Variants in CSNK1E observed in about 807,000 individuals in gnomAD.
The protein encoded by CSNK1E is casein kinase 1 epsilon.
CSNK1E carries 17 observed loss-of-function variants against 46.1 expected under a neutral mutation model. That is an observed-to-expected ratio of 0.37 (90% CI 0.25 to 0.55). The LOEUF (loss-of-function observed/expected upper bound fraction) is 0.55, where lower values mean the gene tolerates loss of function less well. Ranked by LOEUF, CSNK1E falls within the 20% of genes least tolerant of loss-of-function variation. CSNK1E has a pLI of 0.82. For missense variants in CSNK1E, 386 were observed against 595.4 expected, an observed-to-expected ratio of 0.65 and a Z score of 3.66; for synonymous variants, 241 against 242.6, an observed-to-expected ratio of 0.99 and a Z score of 0.06.
intron 9 of CSNK1E, among the ~76,000 whole-genome samples, chr22:38,293,707 T>C (rs1241031443): frequency 6.6e-6 from 1 of 151,902 alleles, no homozygotes; most frequent in Non-Finnish European, 1.5e-5. Flanking sequence ...CATCCAAACA[T>C]AGCCCCAAAG....
At chr22:38,299,852 C>G (rs2092661575) in intron 6 of CSNK1E, 43 bp downstream of exon 6, 1 of 1,600,978 alleles carries the variant, frequency 6.2e-7, no homozygotes, top group Admixed American at 1.7e-5. Context: ...TAGACAGTGC[C>G]TCAGGGGCCC....
At chr22:38,304,597 C>T (rs1222561984) in intron 2 of CSNK1E, among the ~76,000 whole-genome samples, 3 of 152,096 alleles carry the variant, frequency 2.0e-5, no homozygotes, top group South Asian at 2.1e-4. Context: ...GGAACAGTGG[C>T]GCAGTCACCA....
intron 2 of CSNK1E, among the ~76,000 whole-genome samples, chr22:38,310,240 C>A (rs975914257): frequency 6.6e-6 from 1 of 152,204 alleles, no homozygotes; most frequent in Non-Finnish European, 1.5e-5. Flanking sequence ...ACAGAAGATG[C>A]CCCATGAGTC....
intron 1 of CSNK1E, 52 bp from the exon 2 acceptor site, chr22:38,314,221 G>T: frequency 6.8e-7 from 1 of 1,471,362 alleles, no homozygotes; most frequent in Non-Finnish European, 9.5e-7. Flanking sequence ...GCCGGGAAAG[G>T]GGTCCAGTCC....
chr22:38,297,786 A>G (rs1436187077), intron 7 of CSNK1E: 13 of 1,000,014 alleles, frequency 1.3e-5, no homozygotes, highest in Non-Finnish European at 1.6e-5. Context: ...CATGGCCTCC[A>G]CTGTGCTGCC....
At chr22:38,307,379 T>C (rs1264036541) in intron 2 of CSNK1E, among the ~76,000 whole-genome samples, 1 of 151,852 alleles carries the variant, frequency 6.6e-6, no homozygotes, top group Non-Finnish European at 1.5e-5. Flanking sequence ...TGAAACCCCA[T>C]CTCTACTAAA....
rs1398159050 is a variant in CSNK1E, at chr22:38,298,456, G to A, written c.885+330C>T. ...ATGTGCAGAACAGGAGCAGCAGGAC[G>A]GTGTAGGCAGCAATCAGGGCAGCAG... is the stretch of plus-strand genomic sequence containing the variant. On this transcript the variant is annotated intron_variant, in intron 7 of 10. Transcript: ENST00000396832. This position sits in a 1 kb window ranked among gnomAD's most constrained non-coding sequence, Gnocchi z 4.2. The A allele has an allele frequency of 3.1e-5, 12 of 381,598 alleles. No homozygotes were observed. Among genetic ancestry groups the A allele is most frequent in the East Asian group, 1.3e-4 (2 of 15,256 alleles). The allele number at this position is 381,598 out of a possible 1,614,324, so 23.6% of individuals were successfully genotyped here. A position where few individuals can be genotyped will look rare whatever the true frequency, so the allele number is the denominator to read the frequency against.
rs1311776240 is a variant in CSNK1E at position 38,298,490 on chromosome 22, G to A, written c.885+296C>T. On this transcript the variant is annotated intron_variant, in intron 7 of 10. Coordinates refer to ENST00000396832, the MANE Select transcript of CSNK1E (RefSeq NM_152221.3). The surrounding 1 kb of genome is among the most constrained non-coding windows in gnomAD (Gnocchi z 4.2). ...AGCAATCAGGGCAGCAGGGGGCGCC[G>A]CCAGCACCACCCATGCCCTGCTGCG... The A allele has an allele frequency of 2.4e-5, 10 of 417,664 alleles. No individual in the cohort carries two copies. The highest frequency in any genetic ancestry group is 1.6e-4 in the East Asian group (3 of 18,914). The allele number at this position is 417,664 out of a possible 1,614,324, so 25.9% of individuals were successfully genotyped here. A position where few individuals can be genotyped will look rare whatever the true frequency, so the allele number is the denominator to read the frequency against.
intron 2 of CSNK1E, 147 bp downstream of exon 2, chr22:38,313,935 G>T: frequency 1.4e-6 from 1 of 708,238 alleles, no homozygotes; most frequent in Non-Finnish European, 2.4e-6. Flanking sequence ...GCAACCTGCT[G>T]CTTCCTTCCC....
rs958073093 is a variant in CSNK1E, at chr22:38,298,202, C to T, written c.885+584G>A. The stretch of plus-strand genomic sequence containing the variant: ...GGGCTGAGCCTGGCTCGAGGAAGCC[C>T]CCTTTTCCAGAAGAGATGTGAAACA... On this transcript the variant is annotated intron_variant, in intron 7 of 10. Transcript: ENST00000396832. This position sits in a 1 kb window ranked among gnomAD's most constrained non-coding sequence, Gnocchi z 4.2. 5.0e-5 allele frequency: 65 copies of T among 1,303,680 alleles called. No homozygotes were observed. Among genetic ancestry groups the T allele is most frequent in the Non-Finnish European group, 6.4e-5 (63 of 988,816 alleles). 80.8% of individuals were successfully genotyped at this position (1,303,680 alleles called of 1,614,324 possible). A position where few individuals can be genotyped will look rare whatever the true frequency, so the allele number is the denominator to read the frequency against.
At chr22:38,310,133 C>T (rs1212927048) in intron 2 of CSNK1E, among the ~76,000 whole-genome samples, 1 of 152,190 alleles carries the variant, frequency 6.6e-6, no homozygotes, top group African/African-American at 2.4e-5. Context: ...CCAGGTGAGG[C>T]TTCCTGGCAG....
chr22:38,291,334 A>C lies in CSNK1E; in HGVS notation c.*637T>G, dbSNP rs1476064917. 4 of 78,348 alleles carry C rather than the reference A, an allele frequency of 5.1e-5. No homozygotes were observed. In the East Asian group the frequency reaches 1.9e-3, roughly 38 times the overall value. The allele number at this position is 78,348 out of a possible 1,614,324, so 4.9% of individuals were successfully genotyped here. On this transcript the variant is annotated 3_prime_UTR_variant, in exon 11 of 11. Coordinates refer to ENST00000396832, the MANE Select transcript of CSNK1E (RefSeq NM_152221.3). ...GCTGTCTTGGGAAACACAGGTCAAT[A>C]CATCCACACACACACACACACACAC...
Position 38,298,142 on chromosome 22 carries a change from C to A in CSNK1E, c.885+644G>T. 7.7e-7 allele frequency: 1 copy of A among 1,296,920 alleles called. No homozygotes were observed. The highest frequency in any genetic ancestry group is 1.3e-5 in the South Asian group (1 of 79,856). The allele number at this position is 1,296,920 out of a possible 1,614,324, so 80.3% of individuals were successfully genotyped here. On this transcript the variant is annotated intron_variant, in intron 7 of 10. Transcript: ENST00000396832. This position sits in a 1 kb window ranked among gnomAD's most constrained non-coding sequence, Gnocchi z 4.2. ...CCCAGCACAGGGACAGGGGCGGGGA[C>A]AGAAAGGTCCCTTCGCTGTCATGGG... is the stretch of plus-strand genomic sequence containing the variant.
intron 4 of CSNK1E, among the ~76,000 whole-genome samples, chr22:38,302,541 TCTCTACTAAAAATA>T (rs1196392437): frequency 6.6e-6 from 1 of 152,024 alleles, no homozygotes; most frequent in Non-Finnish European, 1.5e-5. Context: ...TAAAACTCTG[TCTCTACTAAAAATA>T]CAAAAATTAG....
In CSNK1E at chr22:38,300,615, A is replaced by G; in HGVS notation, c.565+109T>C. 9.2e-7 allele frequency: 1 copy of G among 1,082,622 alleles called. No homozygotes were observed. The highest frequency in any genetic ancestry group is 1.4e-6 in the Non-Finnish European group (1 of 740,520). 67.1% of individuals were successfully genotyped at this position (1,082,622 alleles called of 1,614,324 possible). On this transcript the variant is annotated intron_variant, in intron 5 of 10. Transcript: ENST00000396832. The surrounding 1 kb of genome is among the most constrained non-coding windows in gnomAD (Gnocchi z 4.4). ...CAGACGGGGTGGGGACTTTCTCACT[A>G]GAAAAGAGCCTGGGGGCCTCCATCA...
At chr22:38,315,080 C>T (rs906726282) in intron 1 of CSNK1E, among the ~76,000 whole-genome samples, 1 of 152,202 alleles carries the variant, frequency 6.6e-6, no homozygotes, top group Non-Finnish European at 1.5e-5. Flanking sequence ...ACTCCTTTCA[C>T]AGACAGGGTA....
At position 38,294,927 on chromosome 22, in the gene CSNK1E, G is replaced by C. The variant is rs535543084; in HGVS notation, c.886-393C>G. On this transcript the variant is annotated intron_variant, in intron 7 of 10. Transcript: ENST00000396832. The surrounding 1 kb of genome is among the most constrained non-coding windows in gnomAD (Gnocchi z 5.5). ...CTTAACTACTCAAGGTTGCTAAACC[G>C]AGCAGGAAAGCTGTTTAGAGGCCTC... Among the ~76,000 whole-genome samples, 1 of 152,190 alleles carries C rather than the reference G, an allele frequency of 6.6e-6. No homozygotes were observed.
At chr22:38,306,728 T>C in intron 2 of CSNK1E, among the ~76,000 whole-genome samples, 1 of 22,110 alleles carries the variant, frequency 4.5e-5, no homozygotes, top group East Asian at 1.1e-3. Context: ...AGACTCCATC[T>C]CAAAAAAAAA....
At chr22:38,313,646 T>C (rs896319640) in intron 2 of CSNK1E, among the ~76,000 whole-genome samples, 1 of 152,038 alleles carries the variant, frequency 6.6e-6, no homozygotes, top group African/African-American at 2.4e-5. Context: ...TCCCAAAGCC[T>C]GCCTGGGCTG....
Sources: allele counts gnomAD v4.1 joint callset (sites outside exome capture counted in the v4.1 genomes callset), GRCh38; gene constraint gnomAD v4.1.1; non-coding constraint Gnocchi (gnomAD v3.1); transcripts MANE v1.5; gene names NCBI Gene and HGNC (gene_info 2026-07-23, HGNC 2026-07-21).